The following PIK3R6 variants were observed in gnomAD, a reference collection of about 807,000 sequenced individuals.
PIK3R6 encodes the protein phosphoinositide 3-kinase regulatory subunit 6.
A neutral mutation model predicts 84.9 loss-of-function variants in PIK3R6; 91 were observed. The observed-to-expected ratio is 1.07, with a 90% CI of 0.90 to 1.28. The LOEUF is 1.28. Among genes scored for constraint, PIK3R6 ranks in the 50% most tolerant of loss-of-function variants. The probability of loss-of-function intolerance (pLI) is 0.00; values close to 1 mark genes in which losing one functional copy is unlikely to be tolerated. For synonymous variants in PIK3R6, 416 were observed against 411.4 expected, an observed-to-expected ratio of 1.01 and a Z score of -0.13; for missense variants, 996 against 985.1, an observed-to-expected ratio of 1.01 and a Z score of -0.15.
intron 18 of PIK3R6, among the ~76,000 whole-genome samples, chr17:8,808,238 C>G (rs1005636284): frequency 6.6e-6 from 1 of 152,168 alleles, no homozygotes; most frequent in South Asian, 2.1e-4. Context: ...TAGCCAAGCA[C>G]TCTTCTAAGA....
chr17:8,848,410 C>CCGCTGCTGTTTAT (rs1567607135), intron 2 of PIK3R6, among the ~76,000 whole-genome samples: 5 of 151,482 alleles, frequency 3.3e-5, no homozygotes, highest in African/African-American at 9.8e-5. Context: ...AGAAATATGT[C>CCGCTGCTGTTTAT]ACGGGGCAAT....
At chr17:8,822,853 G>A (rs1289445455) in intron 15 of PIK3R6, 143 bp downstream of exon 15, 5 of 944,584 alleles carry the variant, frequency 5.3e-6, no homozygotes, top group Non-Finnish European at 8.4e-6. Flanking sequence ...AGCAGCCTTG[G>A]CATTCAGCAG....
In PIK3R6 at chr17:8,822,989, T is replaced by C. The variant is rs2151213133; in HGVS notation, c.1717+7A>G. On this transcript the variant is annotated splice_region_variant and intron_variant, in intron 15 of 19. Transcript: ENST00000619866. The stretch of plus-strand genomic sequence containing the variant: ...TGACCTTTGGCAAAAGGGAGGCAGA[T>C]GCTTACCTTTGGGGAATTTAGAATC... 1 of 1,588,594 alleles carries C rather than the reference T, an allele frequency of 6.3e-7. No homozygotes were observed.
At chr17:8,815,421 G>A (rs947314210) in intron 18 of PIK3R6, among the ~76,000 whole-genome samples, 2 of 151,390 alleles carry the variant, frequency 1.3e-5, no homozygotes, top group South Asian at 2.1e-4. Context: ...CAGGAGAATC[G>A]CTTGAACCTG....
chr17:8,849,948 A>T (rs1401159329), intron 1 of PIK3R6, 63 bp from the exon 2 acceptor site: 5 of 987,128 alleles, frequency 5.1e-6, no homozygotes, highest in Non-Finnish European at 7.3e-6. Flanking sequence ...CACCTTGGGA[A>T]ATGGAGAAGC....
In PIK3R6 at chr17:8,839,537, C is replaced by A; in HGVS notation, c.97+77G>T. On this transcript the variant is annotated intron_variant, in intron 3 of 19. Transcript: ENST00000619866. The surrounding 1 kb of genome is among the most constrained non-coding windows in gnomAD (Gnocchi z 4.2). ...CCTGAGCTCCAGGCCGGGGCTCTTTCCTGTATGCGCGTGTATTGTTGGCTG... is the reference window on the plus strand; with the variant it reads ...CCTGAGCTCCAGGCCGGGGCTCTTTACTGTATGCGCGTGTATTGTTGGCTG... The A allele has an allele frequency of 8.2e-7, 1 of 1,212,876 alleles. No homozygotes were observed. The highest frequency in any genetic ancestry group is 1.2e-6 in the Non-Finnish European group (1 of 861,154). The allele number at this position is 1,212,876 out of a possible 1,614,324, so 75.1% of individuals were successfully genotyped here. A position where few individuals can be genotyped will look rare whatever the true frequency, so the allele number is the denominator to read the frequency against.
intron 18 of PIK3R6, among the ~76,000 whole-genome samples, chr17:8,812,243 A>T (rs2087379896): frequency 6.6e-6 from 1 of 152,228 alleles, no homozygotes; most frequent in Non-Finnish European, 1.5e-5. Context: ...ACATGTGGGA[A>T]TTCAAGATGA....
At position 8,823,089 on chromosome 17, in the gene PIK3R6, G is replaced by T; in HGVS notation, c.1627-3C>A. On this transcript the variant is annotated splice_polypyrimidine_tract_variant and splice_region_variant and intron_variant, in intron 14 of 19. Transcript: ENST00000619866. Reference sequence around the variant, plus strand: ...TGGCTCAGGTCACTGAAAAAGATCTGGAGAGAGGAAGGGAGGGTGGCATTT... The same window carrying T: ...TGGCTCAGGTCACTGAAAAAGATCTTGAGAGAGGAAGGGAGGGTGGCATTT... 6.3e-7 allele frequency: 1 copy of T among 1,589,274 alleles called. No homozygotes were observed. Among genetic ancestry groups the T allele is most frequent in the Non-Finnish European group, 8.6e-7 (1 of 1,157,670 alleles).
chr17:8,811,969 C>T (rs970430826), intron 18 of PIK3R6, among the ~76,000 whole-genome samples: 2 of 151,224 alleles, frequency 1.3e-5, no homozygotes, highest in African/African-American at 4.9e-5. Flanking sequence ...TAAAGACATA[C>T]CTGAGACTGG....
intron 1 of PIK3R6, among the ~76,000 whole-genome samples, chr17:8,861,636 AG>A (rs2089289410): frequency 6.6e-6 from 1 of 152,210 alleles, no homozygotes; most frequent in Admixed American, 6.5e-5. Context: ...GCCACTTGCT[AG>A]CCATCATGGT....
At chr17:8,831,150 A>C (rs2088223583) in intron 9 of PIK3R6, among the ~76,000 whole-genome samples, 1 of 139,780 alleles carries the variant, frequency 7.2e-6, no homozygotes, top group Admixed American at 7.1e-5. Context: ...TGTCTCAAAA[A>C]AAAAAAAAAA....
chr17:8,829,329 C>A (rs996032686), intron 10 of PIK3R6, among the ~76,000 whole-genome samples: 1 of 146,572 alleles, frequency 6.8e-6, no homozygotes, highest in Admixed American at 6.8e-5. Context: ...CACGCATACA[C>A]CCATGCAAGC....
chr17:8,828,366 G>A (rs1042953877), intron 11 of PIK3R6, among the ~76,000 whole-genome samples, 176 bp from the exon 12 acceptor site: 8 of 152,116 alleles, frequency 5.3e-5, no homozygotes, highest in African/African-American at 1.7e-4. Flanking sequence ...GGTGATGAGG[G>A]TTCACGGAGC....
At chr17:8,833,436 C>T (rs1442027337) in intron 8 of PIK3R6, among the ~76,000 whole-genome samples, 1 of 151,130 alleles carries the variant, frequency 6.6e-6, no homozygotes, top group African/African-American at 2.4e-5. Context: ...GCTGCATCTC[C>T]AGCACTTAGA....
rs376313888 is a variant in PIK3R6 at position 8,833,950 on chromosome 17, C to T, written c.646-905G>A. ...TTGGAAGGCCGGGGTAGGTGGATCA[C>T]GAGGTCAGGAGATGGAGACCACGGT... On this transcript the variant is annotated intron_variant, in intron 8 of 19. Transcript: ENST00000619866. 4.6e-5 allele frequency among the ~76,000 whole-genome samples: 7 copies of T among 151,422 alleles called. No homozygotes were observed. In the South Asian group the frequency reaches 6.3e-4, roughly 14 times the overall value.
chr17:8,856,972 C>A (rs546120605), intron 1 of PIK3R6, among the ~76,000 whole-genome samples: 1 of 65,376 alleles, frequency 1.5e-5, no homozygotes, highest in South Asian at 2.8e-4. Context: ...CTTTGCACAC[C>A]CCTGCCTGGA....
At chr17:8,833,974 G>A (rs1485415107) in intron 8 of PIK3R6, among the ~76,000 whole-genome samples, 3 of 151,540 alleles carry the variant, frequency 2.0e-5, no homozygotes, top group African/African-American at 7.3e-5. Context: ...GGAGACCACG[G>A]TGAAACCCCG....
intron 9 of PIK3R6, among the ~76,000 whole-genome samples, chr17:8,832,326 T>C (rs71369619): frequency 0.16 from 24,014 of 150,882 alleles, 2,422 homozygotes; most frequent in African/African-American, 0.27. Context: ...TGGAGTATAG[T>C]AGGGGCTCTG....
chr17:8,834,429 C>T (rs1380729327), intron 8 of PIK3R6, among the ~76,000 whole-genome samples: 4 of 152,150 alleles, frequency 2.6e-5, no homozygotes, highest in Middle Eastern at 3.4e-3. Flanking sequence ...GGGTGTCTCT[C>T]TGTTACCCAG....
Sources: gnomAD v4.1 joint callset for allele counts (sites outside exome capture counted in the v4.1 genomes callset) on GRCh38, gnomAD v4.1.1 for gene constraint, Gnocchi (gnomAD v3.1) non-coding constraint, MANE v1.5 for transcripts, NCBI Gene and HGNC (gene_info 2026-07-23, HGNC 2026-07-21) for gene names.